Variants in CD276 observed in about 807,000 individuals in gnomAD.
The protein encoded by CD276 is CD276 molecule, also known as CD276 antigen.
A neutral mutation model predicts 50.0 loss-of-function variants in CD276; 34 were observed. The observed-to-expected ratio is 0.68, with a 90% CI of 0.52 to 0.91. CD276 has a LOEUF of 0.91. Among genes scored for constraint, CD276 ranks in the 40% least tolerant of loss-of-function variants. CD276 has a pLI of 0.00. For missense variants in CD276, 634 were observed against 717.5 expected, an observed-to-expected ratio of 0.88 and a Z score of 1.33; for synonymous variants, 275 against 313.0, an observed-to-expected ratio of 0.88 and a Z score of 1.28.
At chr15:73,697,704 T>G (rs7177088) in intron 1 of CD276, 28,985 of 151,346 alleles carry the variant, frequency 0.19, 3,843 homozygotes, top group African/African-American at 0.38. Context: ...GAGTAGCTGG[T>G]ATTACAGGCC....
chr15:73,686,831 T>TTC (rs1301354187), intron 1 of CD276, among the ~76,000 whole-genome samples: 1 of 152,102 alleles, frequency 6.6e-6, no homozygotes, highest in African/African-American at 2.4e-5. Context: ...CCTCTGAGAT[T>TTC]ATGACCACAT....
At chr15:73,709,081 G>C (rs1034449344) in intron 7 of CD276, among the ~76,000 whole-genome samples, 4 of 152,150 alleles carry the variant, frequency 2.6e-5, no homozygotes, top group Non-Finnish European at 5.9e-5. Flanking sequence ...GGGAAGAAGA[G>C]TGGTCAGTTG....
At chr15:73,712,901 T>C (rs201950874) in intron 9 of CD276, 33 bp from the exon 10 acceptor site, 450 of 1,611,522 alleles carry the variant, frequency 2.8e-4, no homozygotes, top group Non-Finnish European at 2.4e-4. Flanking sequence ...TGCTTTTCCC[T>C]TCCCTTTTTT....
chr15:73,686,143 C>T (rs1899751852), intron 1 of CD276: 1 of 191,772 alleles, frequency 5.2e-6, no homozygotes, highest in South Asian at 1.8e-4. Flanking sequence ...GAGAGAGCTT[C>T]GTTCCTGCAT....
intron 2 of CD276, among the ~76,000 whole-genome samples, chr15:73,701,020 C>T (rs1900366418): frequency 6.6e-6 from 1 of 150,424 alleles, no homozygotes; most frequent in Admixed American, 6.6e-5. Flanking sequence ...TCTCCTGCCT[C>T]AGCCTCCTGA....
Position 73,712,980 on chromosome 15 carries a change from C to A in CD276, c.*24C>A, listed in dbSNP as rs746594072. ...GACCATGAGGACCAGGGAGCTGCTA[C>A]CCCTCCCTACAGCTCCTACCCTCTG... On this transcript the variant is annotated 3_prime_UTR_variant, in exon 10 of 10. Transcript: ENST00000318443. 21 of 1,610,946 alleles carry A rather than the reference C, an allele frequency of 1.3e-5. No homozygotes were observed. The highest frequency in any genetic ancestry group is 6.7e-5 in the Admixed American group (4 of 59,940).
chr15:73,689,391 G>C (rs1377224540), intron 1 of CD276, among the ~76,000 whole-genome samples: 1 of 152,102 alleles, frequency 6.6e-6, no homozygotes, highest in East Asian at 1.9e-4. Flanking sequence ...TCCTGCTCTT[G>C]GGTGGGATCA....
intron 1 of CD276, 60 bp from the exon 2 acceptor site, chr15:73,699,526 G>C: frequency 6.5e-7 from 1 of 1,535,944 alleles, no homozygotes; most frequent in East Asian, 2.4e-5. Flanking sequence ...GAGAGATGAG[G>C]CAAGAGATGG....
chr15:73,710,207 GAGT>G (rs1267576143), intron 8 of CD276, among the ~76,000 whole-genome samples: 4 of 152,178 alleles, frequency 2.6e-5, no homozygotes, highest in African/African-American at 9.7e-5. Context: ...TAATACTCTG[GAGT>G]CCTATTACTA....
chr15:73,708,513 T>TA (rs1491140680), intron 7 of CD276, 40 bp downstream of exon 7: 4 of 1,585,378 alleles, frequency 2.5e-6, no homozygotes, highest in Non-Finnish European at 3.4e-6. Context: ...CATGCACACT[T>TA]ATGTGTCTTG....
intron 1 of CD276, among the ~76,000 whole-genome samples, chr15:73,698,821 C>G (rs1207259664): frequency 1.3e-5 from 2 of 152,216 alleles, no homozygotes; most frequent in African/African-American, 2.4e-5. Flanking sequence ...CTCAGCCTCC[C>G]AAAGTGCTGG....
Position 73,702,564 on chromosome 15 carries a change from G to T in CD276, c.389G>T (p.Gly130Val), listed in dbSNP as rs1452945342. 2.5e-6 allele frequency: 4 copies of T among 1,609,966 alleles called. No homozygotes were observed. Among genetic ancestry groups the T allele is most frequent in the Admixed American group, 1.7e-5 (1 of 59,932 alleles). The change falls in exon 3 of 10, where the codon GGC becomes GTC. Residue 130 changes from glycine (G) to valine (V), a missense_variant. Physicochemically the swap from Gly to Val is moderately radical, Grantham distance 109 (BLOSUM62 -3). Transcript: ENST00000318443. ...TGCTTCGTGAGCATCCGGGATTTCG[G>T]CAGCGCTGCCGTCAGCCTGCAGGTG... Reference protein sequence around the residue: ...FTCFVSIRDFGSAAVSLQVAA... With the variant: ...FTCFVSIRDFVSAAVSLQVAA...
chr15:73,704,129 C>T lies in CD276; in HGVS notation c.1073-47C>T, dbSNP rs375906969. ...ACTCAGCCCCATGCATCCTTTTCCTCCCCTGCCATTGCCCTGCCCTTGACC... is the reference window on the plus strand; with the variant it reads ...ACTCAGCCCCATGCATCCTTTTCCTTCCCTGCCATTGCCCTGCCCTTGACC... On this transcript the variant is annotated intron_variant, in intron 5 of 9. Coordinates refer to ENST00000318443, the MANE Select transcript of CD276 (RefSeq NM_001024736.2). The surrounding 1 kb of genome is among the most constrained non-coding windows in gnomAD (Gnocchi z 4.1). The T allele has an allele frequency of 1.9e-6, 3 of 1,591,336 alleles. No individual in the cohort carries two copies. In the African/African-American group the frequency reaches 4.0e-5, roughly 21 times the overall value.
At position 73,691,244 on chromosome 15, in the gene CD276, C is replaced by T. The variant is rs144510086; in HGVS notation, c.-55+6784C>T. Among the ~76,000 whole-genome samples the T allele has an allele frequency of 3.0e-3, 457 of 151,372 alleles. 4 individuals carry two copies. Among genetic ancestry groups the T allele is most frequent in the African/African-American group, 0.011 (439 of 41,230 alleles). ...GCACATTTAAGAAAAAAAAAAAAGA[C>T]TTGTTTAAGTACCTAGGCAGTCTAT... is the stretch of plus-strand genomic sequence containing the variant. On this transcript the variant is annotated intron_variant, in intron 1 of 9. Coordinates refer to ENST00000318443, the MANE Select transcript of CD276 (RefSeq NM_001024736.2).
At chr15:73,710,305 T>C (rs1291809215) in intron 8 of CD276, among the ~76,000 whole-genome samples, 1 of 152,242 alleles carries the variant, frequency 6.6e-6, no homozygotes. Flanking sequence ...GGGCATCAGT[T>C]TCCCATCTGT....
intron 9 of CD276, chr15:73,711,424 T>C (rs1189060566): frequency 1.1e-5 from 5 of 475,076 alleles, no homozygotes; most frequent in East Asian, 3.7e-5. Flanking sequence ...AGTGTGAGCA[T>C]AGGTAATCGT....
chr15:73,692,594 A>G (rs1900027109), intron 1 of CD276, among the ~76,000 whole-genome samples: 1 of 152,224 alleles, frequency 6.6e-6, no homozygotes, highest in East Asian at 1.9e-4. Context: ...TTATTATTTG[A>G]TAAAAGCAAA....
chr15:73,685,701 T>C (rs1937790964), intron 1 of CD276, among the ~76,000 whole-genome samples: 2 of 152,166 alleles, frequency 1.3e-5, no homozygotes, highest in Admixed American at 6.5e-5. Flanking sequence ...CGGCCTCCTC[T>C]AGTTCCCTCT....
Position 73,699,711 on chromosome 15 carries a change from C to T in CD276, c.72C>T (p.Cys24=), listed in dbSNP as rs1900303839. Residue 24 remains cysteine (C), a synonymous_variant, in exon 2 of 10, where the codon TGC becomes TGT. Transcript: ENST00000318443. ...VGAALGALWF[C]LTGALEVQVP... is the part of the protein sequence containing the mutation. ...CAGCCCTGGGAGCACTGTGGTTCTG[C>T]CTCACAGGTGAGGGTAGCAGCATGG... The T allele has an allele frequency of 6.2e-7, 1 of 1,604,180 alleles. No individual in the cohort carries two copies. Among genetic ancestry groups the T allele is most frequent in the Admixed American group, 1.7e-5 (1 of 59,326 alleles).
Sources: allele counts gnomAD v4.1 joint callset (sites outside exome capture counted in the v4.1 genomes callset), GRCh38; gene constraint gnomAD v4.1.1; non-coding constraint Gnocchi (gnomAD v3.1); transcripts MANE v1.5; gene names NCBI Gene and HGNC (gene_info 2026-07-23, HGNC 2026-07-21).